Variants in KIF1A observed in about 807,000 individuals in gnomAD.
KIF1A encodes the protein kinesin-like protein KIF1A.
A neutral mutation model predicts 227.3 loss-of-function variants in KIF1A; 46 were observed. The observed-to-expected ratio is 0.20, with a 90% CI of 0.16 to 0.26. The LOEUF (loss-of-function observed/expected upper bound fraction) is 0.26. Among genes scored for constraint, KIF1A ranks in the 10% least tolerant of loss-of-function variants. The pLI, the probability that KIF1A is intolerant of heterozygous loss-of-function variation, is 1.00. For synonymous variants in KIF1A, 1,022 were observed against 1,012.8 expected (o/e 1.01, Z -0.17); for missense variants, 1,683 against 2,485.9 (o/e 0.68, Z 6.87).
chr2:240,758,398 G>A lies in KIF1A; in HGVS notation c.2544C>T (p.Pro848=), dbSNP rs2125875170. 2 of 1,613,052 alleles carry A rather than the reference G, an allele frequency of 1.2e-6. No homozygotes were observed. The highest frequency in any genetic ancestry group is 1.7e-6 in the Non-Finnish European group (2 of 1,179,418). ...GGAACCAGGGGAAGCGGTCATAGAA[G>A]GGGTCTCCGCCGGTCACCACGTTGT... ...DCDNVVTGGD[P]FYDRFPWFRL... Residue 848 remains proline (P), a synonymous_variant, in exon 26 of 49, where the codon CCC becomes CCT. Coordinates refer to ENST00000498729, the MANE Select transcript of KIF1A (RefSeq NM_001244008.2). The surrounding 1 kb of genome is among the most constrained non-coding windows in gnomAD (Gnocchi z 5.2).
At chr2:240,772,374 C>A (rs1459753802) in intron 14 of KIF1A, among the ~76,000 whole-genome samples, 196 bp downstream of exon 14, 2 of 152,142 alleles carry the variant, frequency 1.3e-5, no homozygotes, top group Admixed American at 1.3e-4. Context: ...AGTGTGGGCT[C>A]AGAGGCAGAC....
intron 47 of KIF1A, 86 bp from the exon 48 acceptor site, chr2:240,718,254 G>A (rs749063574): frequency 2.1e-6 from 2 of 941,258 alleles, no homozygotes; most frequent in Admixed American, 2.0e-5. Flanking sequence ...AGGCAGGCAG[G>A]GGAGGGGCAC....
In KIF1A at chr2:240,789,443, G is replaced by C. The variant is rs1191894943; in HGVS notation, c.107-131C>G. 8.4e-6 allele frequency: 6 copies of C among 711,974 alleles called. No individual in the cohort carries two copies. The highest frequency in any genetic ancestry group is 1.5e-5 in the Non-Finnish European group (6 of 401,686). The allele number at this position is 711,974 out of a possible 1,614,324, so 44.1% of individuals were successfully genotyped here. A position where few individuals can be genotyped will look rare whatever the true frequency, so the allele number is the denominator to read the frequency against. ...AGACAAGCCAGGCCCCCAAATTGGA[G>C]GGGACCTAGGACCCCACTCCCAGGC... is the stretch of plus-strand genomic sequence containing the variant. On this transcript the variant is annotated intron_variant, in intron 2 of 48. Coordinates refer to ENST00000498729, the MANE Select transcript of KIF1A (RefSeq NM_001244008.2). This position sits in a 1 kb window ranked among gnomAD's most constrained non-coding sequence, Gnocchi z 4.8.
At chr2:240,779,339 TAGTTCCACACTCAGTTCCTCACTC>T (rs1559520874) in intron 10 of KIF1A, among the ~76,000 whole-genome samples, 1 of 96,612 alleles carries the variant, frequency 1.0e-5, no homozygotes, top group Non-Finnish European at 2.0e-5. Context: ...CAGTTCCTCA[TAGTTCCACACTCAGTTCCTCACTC>T]AGTTCCTCAC....
intron 1 of KIF1A, among the ~76,000 whole-genome samples, chr2:240,808,335 G>T (rs907200349): frequency 6.6e-6 from 1 of 152,050 alleles, no homozygotes; most frequent in Non-Finnish European, 1.5e-5. Flanking sequence ...ACCTGATAAA[G>T]AATTAAAACA....
chr2:240,722,000 G>C, intron 43 of KIF1A, 116 bp from the exon 44 acceptor site: 2 of 788,266 alleles, frequency 2.5e-6, no homozygotes, highest in Non-Finnish European at 4.2e-6. Flanking sequence ...CGACGCCAGA[G>C]CACAGTGGGT....
chr2:240,742,907 C>T lies in KIF1A; in HGVS notation c.3640+22G>A, dbSNP rs371988727. ...GTGAGGGGAGCTCACTGCCCTGAGA[C>T]GGCTCCAGAGACCCTTCCTACCTGG... On this transcript the variant is annotated intron_variant, in intron 34 of 48. Coordinates refer to ENST00000498729, the MANE Select transcript of KIF1A (RefSeq NM_001244008.2). 417 of 1,605,146 alleles carry T rather than the reference C, an allele frequency of 2.6e-4. 7 individuals carry two copies. In the South Asian group the frequency reaches 3.3e-3, roughly 13 times the overall value.
Position 240,779,099 on chromosome 2 carries a change from C to T in KIF1A, c.883-3173G>A, listed in dbSNP as rs540874189. Among the ~76,000 whole-genome samples the T allele has an allele frequency of 8.2e-5, 12 of 147,154 alleles. 1 individual carries two copies. The highest frequency in any genetic ancestry group is 3.0e-4 in the African/African-American group (11 of 36,988). On this transcript the variant is annotated intron_variant, in intron 10 of 48. Coordinates refer to ENST00000498729, the MANE Select transcript of KIF1A (RefSeq NM_001244008.2). ...ACAGTTCCACACTCAGTTCCTCACT[C>T]ACTTCCTCACTCAGTTCCTCATAGT...
At chr2:240,785,124 G>T in intron 6 of KIF1A, 24 bp from the exon 7 acceptor site, 4 of 1,584,616 alleles carry the variant, frequency 2.5e-6, no homozygotes, top group Non-Finnish European at 3.5e-6. Context: ...AGCCACGCAC[G>T]GTTACCCCTC....
In KIF1A at chr2:240,725,195, T is replaced by A; in HGVS notation, c.4256+76A>T. 1 of 1,493,912 alleles carries A rather than the reference T, an allele frequency of 6.7e-7. No homozygotes were observed. The highest frequency in any genetic ancestry group is 1.4e-5 in the African/African-American group (1 of 70,938). The allele number at this position is 1,493,912 out of a possible 1,614,324, so 92.5% of individuals were successfully genotyped here. On this transcript the variant is annotated intron_variant, in intron 40 of 48. Transcript: ENST00000498729. The surrounding 1 kb of genome is among the most constrained non-coding windows in gnomAD (Gnocchi z 5.8). ...AGCTGCCGGGTGGCCCAAGGACCGC[T>A]GCCAGGCAGAGCCCTGCCTGGCCCG...
intron 47 of KIF1A, 122 bp from the exon 48 acceptor site, chr2:240,718,290 C>T: frequency 1.4e-6 from 1 of 738,094 alleles, no homozygotes. Context: ...AGGGAGGGGA[C>T]ACGGAGGGGA....
At chr2:240,812,934 T>C (rs1575677872) in intron 1 of KIF1A, among the ~76,000 whole-genome samples, 1 of 145,046 alleles carries the variant, frequency 6.9e-6, no homozygotes, top group African/African-American at 2.6e-5. Flanking sequence ...AGCCTTCACC[T>C]CGGGGATCCG....
At position 240,775,712 on chromosome 2, in the gene KIF1A, C is replaced by T; in HGVS notation, c.958+139G>A. Reference sequence around the variant, plus strand: ...CAGAAGGGCCACGAACTGACTGGACCCTCCAGGTTCACCTCCCAGCCTCAG... The same window carrying T: ...CAGAAGGGCCACGAACTGACTGGACTCTCCAGGTTCACCTCCCAGCCTCAG... On this transcript the variant is annotated intron_variant, in intron 11 of 48. Coordinates refer to ENST00000498729, the MANE Select transcript of KIF1A (RefSeq NM_001244008.2). The surrounding 1 kb of genome is among the most constrained non-coding windows in gnomAD (Gnocchi z 5.5). 1.5e-6 allele frequency: 1 copy of T among 650,984 alleles called. No individual in the cohort carries two copies. Among genetic ancestry groups the T allele is most frequent in the Non-Finnish European group, 2.8e-6 (1 of 356,454 alleles). 40.3% of individuals were successfully genotyped at this position (650,984 alleles called of 1,614,324 possible). A position where few individuals can be genotyped will look rare whatever the true frequency, so the allele number is the denominator to read the frequency against.
In KIF1A at chr2:240,737,090, C is replaced by T; in HGVS notation, c.3980G>A (p.Gly1327Glu). The stretch of plus-strand genomic sequence containing the variant: ...GTCATCTTGGGCTGGGTGGATGTAT[C>T]CGGAAGAGAGGATGTTGAGAGACAA... ...NILSLNILSS[G>E]YIHPAQDDRT... The change falls in exon 38 of 49, where the codon GGA becomes GAA. Residue 1327 changes from glycine to glutamate, a missense_variant. Around this residue, in one of 12 missense-constraint regions of KIF1A, gnomAD observed 759 missense variants for 1,020.2 expected, o/e 0.74. Coordinates refer to ENST00000498729, the MANE Select transcript of KIF1A (RefSeq NM_001244008.2). 6.2e-7 allele frequency: 1 copy of T among 1,613,552 alleles called. No homozygotes were observed. Among genetic ancestry groups the T allele is most frequent in the Non-Finnish European group, 8.5e-7 (1 of 1,179,576 alleles).
chr2:240,772,299 C>T (rs2052111363), intron 14 of KIF1A, among the ~76,000 whole-genome samples: 1 of 152,158 alleles, frequency 6.6e-6, no homozygotes, highest in Admixed American at 6.5e-5. Flanking sequence ...AAGGCCTCAG[C>T]GACACCCTGA....
intron 1 of KIF1A, among the ~76,000 whole-genome samples, chr2:240,815,596 C>T (rs992431033): frequency 6.6e-6 from 1 of 152,194 alleles, no homozygotes. Flanking sequence ...CCAGAAAATG[C>T]GGTACCTGGG....
chr2:240,728,163 C>G (rs1041284195), intron 38 of KIF1A, among the ~76,000 whole-genome samples: 3 of 152,180 alleles, frequency 2.0e-5, no homozygotes, highest in Non-Finnish European at 4.4e-5. Context: ...CACACATGGT[C>G]TGGGACGCAG....
At chr2:240,763,381 G>A in intron 20 of KIF1A, 35 bp from the exon 21 acceptor site, 1 of 1,536,380 alleles carries the variant, frequency 6.5e-7, no homozygotes, top group South Asian at 1.2e-5. Flanking sequence ...CTTGAGGGAT[G>A]GGGATCTTCA....
intron 10 of KIF1A, among the ~76,000 whole-genome samples, chr2:240,780,770 C>CCACACACACACACACACACACAGCTCCA (rs2053565823): frequency 4.2e-5 from 3 of 71,504 alleles, no homozygotes; most frequent in Non-Finnish European, 7.7e-5. Context: ...CCACACAGCT[C>CCACACACACACACACACACACAGCTCCA]CACACACACA....
Sources: allele counts gnomAD v4.1 joint callset (sites outside exome capture counted in the v4.1 genomes callset), GRCh38; gene constraint gnomAD v4.1.1; regional missense constraint gnomAD v4.1.1; non-coding constraint Gnocchi (gnomAD v3.1); transcripts MANE v1.5; gene names NCBI Gene and HGNC (gene_info 2026-07-23, HGNC 2026-07-21).